The following SLC30A10 variants were observed in gnomAD, a reference collection of about 807,000 sequenced individuals.
SLC30A10 encodes the protein calcium/manganese antiporter SLC30A10.
A neutral mutation model predicts 21.7 loss-of-function variants in SLC30A10; 8 were observed. The observed-to-expected ratio is 0.37, with a 90% CI of 0.22 to 0.67. SLC30A10 has a LOEUF of 0.67. Ranked by LOEUF, SLC30A10 falls within the 30% of genes least tolerant of loss-of-function variation. The pLI, the probability that SLC30A10 is intolerant of heterozygous loss-of-function variation, is 0.58. For synonymous variants in SLC30A10, 272 were observed against 279.4 expected, an observed-to-expected ratio of 0.97 and a Z score of 0.26; for missense variants, 521 against 642.5, an observed-to-expected ratio of 0.81 and a Z score of 2.04.
chr1:219,932,159 G>A (rs760136850), upstream of SLC30A10, among the ~76,000 whole-genome samples: 31 of 151,690 alleles, frequency 2.0e-4, no homozygotes, highest in Non-Finnish European at 3.8e-4. Context: ...CACCTCCCAG[G>A]TTCAAGCAGT....
At position 219,939,010 on chromosome 1, in the gene SLC30A10, A is replaced by G. The variant is rs77068264; in HGVS notation, n.81-11905T>C. On this transcript the variant is annotated intron_variant and non_coding_transcript_variant, in intron 1 of 8. Transcript: ENST00000484239. ...GCATGAGTTTTTAAGAGCAATTTTT[A>G]TTACATGCTGCAGTATTACTGTGCA... Among the ~76,000 whole-genome samples the G allele has an allele frequency of 7.4e-3, 1,128 of 152,318 alleles. 9 individuals carry two copies. The highest frequency in any genetic ancestry group is 0.025 in the African/African-American group (1,033 of 41,570).
chr1:219,922,529 C>T lies in SLC30A10; in HGVS notation c.719-4035G>A, dbSNP rs527631321. On this transcript the variant is annotated intron_variant, in intron 2 of 3. Coordinates refer to ENST00000366926, the MANE Select transcript of SLC30A10 (RefSeq NM_018713.3). ...GGAAACTGAAGATGGAGGACGTGCT[C>T]GTGGGGCAACGCTGGAGGCTGACGT... Among the ~76,000 whole-genome samples, 23 of 152,056 alleles carry T rather than the reference C, an allele frequency of 1.5e-4. No homozygotes were observed. In the South Asian group the frequency reaches 4.8e-3, roughly 32 times the overall value.
At chr1:219,927,585 T>C (rs1376832849) in intron 1 of SLC30A10, among the ~76,000 whole-genome samples, 2 of 129,102 alleles carry the variant, frequency 1.5e-5, no homozygotes, top group African/African-American at 5.8e-5. Context: ...ATGGGGAATA[T>C]GTTAAATTGG....
chr1:219,925,651 A>ATATATATATAT (rs1317554458), intron 2 of SLC30A10, among the ~76,000 whole-genome samples: 2 of 48,284 alleles, frequency 4.1e-5, no homozygotes, highest in Admixed American at 3.9e-4. Context: ...ATATATATAT[A>ATATATATATAT]TTTTTTTTTT....
intron 1 of SLC30A10, among the ~76,000 whole-genome samples, chr1:219,956,794 A>ACT (rs1221077883): frequency 6.6e-6 from 1 of 152,210 alleles, no homozygotes; most frequent in Non-Finnish European, 1.5e-5. Flanking sequence ...CAAAAGCTTA[A>ACT]CTAAGACCTA....
chr1:219,949,567 T>A (rs1352369132), intron 1 of SLC30A10, among the ~76,000 whole-genome samples: 1 of 151,940 alleles, frequency 6.6e-6, no homozygotes, highest in South Asian at 2.1e-4. Context: ...TGAGAATACA[T>A]GGACACAGGA....
intron 1 of SLC30A10, among the ~76,000 whole-genome samples, chr1:219,944,915 C>A (rs1057199093): frequency 6.6e-6 from 1 of 152,148 alleles, no homozygotes; most frequent in South Asian, 2.1e-4. Context: ...CTAAACACAC[C>A]ACTTAAAAGA....
intron 1 of SLC30A10, among the ~76,000 whole-genome samples, chr1:219,948,376 A>G (rs1416192860): frequency 6.6e-6 from 1 of 152,086 alleles, no homozygotes; most frequent in African/African-American, 2.4e-5. Context: ...ACAAGGCTAC[A>G]GTAACCAAAA....
chr1:219,918,117 T>C lies in SLC30A10; in HGVS notation c.958+138A>G. The C allele has an allele frequency of 8.7e-7, 1 of 1,147,178 alleles. No homozygotes were observed. The highest frequency in any genetic ancestry group is 1.2e-6 in the Non-Finnish European group (1 of 804,016). The allele number at this position is 1,147,178 out of a possible 1,614,324, so 71.1% of individuals were successfully genotyped here. A position where few individuals can be genotyped will look rare whatever the true frequency, so the allele number is the denominator to read the frequency against. ...TCATCTTAATAGGCTATAAAACATA[T>C]GATGACATCTCTACCACCTGGTGAT... On this transcript the variant is annotated intron_variant, in intron 3 of 3. Coordinates refer to ENST00000366926, the MANE Select transcript of SLC30A10 (RefSeq NM_018713.3). This position sits in a 1 kb window ranked among gnomAD's most constrained non-coding sequence, Gnocchi z 4.4.
chr1:219,917,745 C>A (rs1326975180), intron 3 of SLC30A10, among the ~76,000 whole-genome samples: 2 of 117,096 alleles, frequency 1.7e-5, no homozygotes, highest in Admixed American at 2.3e-4. Context: ...GAGTCTCACT[C>A]TGTCACCCAG....
chr1:219,921,378 A>C (rs1659671963), intron 2 of SLC30A10, among the ~76,000 whole-genome samples: 1 of 152,230 alleles, frequency 6.6e-6, no homozygotes, highest in African/African-American at 2.4e-5. Flanking sequence ...ACAACTAAAA[A>C]GTGTTAACTG....
At position 219,953,602 on chromosome 1, in the gene SLC30A10, C is replaced by CA. The variant is rs565963461; in HGVS notation, n.80+4965dup. ...TGGGTGACAGAGTGAGACTCCGTCT[C>CA]AAAAAAAAAAGAAAAAGAAAAGAAA... is the stretch of plus-strand genomic sequence containing the variant. On this transcript the variant is annotated intron_variant and non_coding_transcript_variant, in intron 1 of 8. Transcript: ENST00000484239. Among the ~76,000 whole-genome samples the CA allele has an allele frequency of 3.6e-4, 47 of 132,096 alleles. 1 individual carries two copies. The highest frequency in any genetic ancestry group is 5.0e-4 in the Non-Finnish European group (31 of 61,524). The allele number at this position is 132,096 out of a possible 152,430, so 86.7% of individuals were successfully genotyped here.
chr1:219,922,754 A>G (rs991632413), intron 2 of SLC30A10, among the ~76,000 whole-genome samples: 1 of 152,212 alleles, frequency 6.6e-6, no homozygotes, highest in African/African-American at 2.4e-5. Flanking sequence ...AGGTGATGAT[A>G]ATGATAACAG....
chr1:219,912,170 C>CAAAAAAAAAAAAA lies in SLC30A10; in HGVS notation c.*3266_*3278dup, dbSNP rs59792236. Among the ~76,000 whole-genome samples the CAAAAAAAAAAAAA allele has an allele frequency of 4.0e-5, 3 of 74,698 alleles. No homozygotes were observed. The highest frequency in any genetic ancestry group is 5.0e-5 in the Non-Finnish European group (2 of 39,910). 49.0% of individuals were successfully genotyped at this position (74,698 alleles called of 152,430 possible). A position where few individuals can be genotyped will look rare whatever the true frequency, so the allele number is the denominator to read the frequency against. The stretch of plus-strand genomic sequence containing the variant: ...CCACTGGAATTTGCTCTACCAATGG[C>CAAAAAAAAAAAAA]AAAAAAAAAAAAAAAAAAAAAAAAA... On this transcript the variant is annotated 3_prime_UTR_variant, in exon 4 of 4. Transcript: ENST00000366926.
chr1:219,917,974 G>C (rs1571791469), intron 3 of SLC30A10, among the ~76,000 whole-genome samples: 1 of 152,012 alleles, frequency 6.6e-6, no homozygotes, highest in Non-Finnish European at 1.5e-5. Context: ...CTGCCTCCCA[G>C]AGTGCCAGGA....
intron 1 of SLC30A10, among the ~76,000 whole-genome samples, chr1:219,938,795 T>C (rs963753689): frequency 6.6e-6 from 1 of 152,168 alleles, no homozygotes; most frequent in Non-Finnish European, 1.5e-5. Flanking sequence ...AAGATAAAGA[T>C]GAGTATCTAC....
intron 3 of SLC30A10, among the ~76,000 whole-genome samples, chr1:219,917,090 C>T (rs1659562370): frequency 6.6e-6 from 1 of 151,220 alleles, no homozygotes; most frequent in African/African-American, 2.4e-5. Context: ...CCCACCTCAG[C>T]CTACTGAGTA....
At chr1:219,934,329 G>C (rs1312422418) in intron 1 of SLC30A10, among the ~76,000 whole-genome samples, 1 of 152,074 alleles carries the variant, frequency 6.6e-6, no homozygotes, top group Admixed American at 6.6e-5. Context: ...CGGGCATGGT[G>C]GTGGGTGCCT....
chr1:219,958,125 G>T (rs1660377012), intron 1 of SLC30A10, among the ~76,000 whole-genome samples: 1 of 151,992 alleles, frequency 6.6e-6, no homozygotes, highest in Non-Finnish European at 1.5e-5. Flanking sequence ...TTTGTAAGTT[G>T]GTTATGTAGC....
Sources: gnomAD v4.1 joint callset for allele counts (sites outside exome capture counted in the v4.1 genomes callset) on GRCh38, gnomAD v4.1.1 for gene constraint, Gnocchi (gnomAD v3.1) non-coding constraint, MANE v1.5 for transcripts, NCBI Gene and HGNC (gene_info 2026-07-23, HGNC 2026-07-21) for gene names.